Variants in C17orf99 observed in about 807,000 individuals in gnomAD.
C17orf99 encodes the protein protein IL-40.
C17orf99 carries 18 observed loss-of-function variants against 22.6 expected under a neutral mutation model. The observed-to-expected ratio is 0.80, with a 90% confidence interval of 0.55 to 1.18. The LOEUF is 1.18. Among genes scored for constraint, C17orf99 ranks in the 50% most tolerant of loss-of-function variants. The pLI is 0.00. For missense variants in C17orf99, 328 were observed against 342.7 expected, an observed-to-expected ratio of 0.96 and a Z score of 0.34; for synonymous variants, 147 against 136.6, an observed-to-expected ratio of 1.08 and a Z score of -0.53.
At chr17:78,157,903 T>C in intron 2 of C17orf99, 1 of 1,161,092 alleles carries the variant, frequency 8.6e-7, no homozygotes, top group Non-Finnish European at 1.3e-6. Context: ...AGCACGGCCA[T>C]GCCAAGGTCC....
At chr17:78,160,547 A>G (rs112703351) in intron 2 of C17orf99, among the ~76,000 whole-genome samples, 25 of 143,540 alleles carry the variant, frequency 1.7e-4, no homozygotes, top group East Asian at 8.7e-4. Flanking sequence ...AAAAAAAAAA[A>G]AGAGAGAGAG....
At chr17:78,164,800 C>A (rs2292235) in intron 4 of C17orf99, 580,445 of 1,246,348 alleles carry the variant, frequency 0.47, 138,709 homozygotes, top group East Asian at 0.67. Flanking sequence ...CGGCCATCAC[C>A]GCTTACGCAT....
chr17:78,164,217 G>C lies in C17orf99; in HGVS notation c.493G>C (p.Asp165His), dbSNP rs1449671583. The change falls in exon 4 of 5, where the codon GAT becomes CAT. Residue 165 changes from aspartate (D) to histidine (H), a missense_variant. Physicochemically the swap from Asp to His is moderately conservative, Grantham distance 81 (BLOSUM62 -1). Transcript: ENST00000340363. ...TATCACCAACAGCCTGATCGGGAAGGATGGGCAGGTCCACCTGCAGCAGAG... is the reference window on the plus strand; with the variant it reads ...TATCACCAACAGCCTGATCGGGAAGCATGGGCAGGTCCACCTGCAGCAGAG... ...PPITNSLIGK[D>H]GQVHLQQRPC... The C allele has an allele frequency of 1.3e-6, 2 of 1,551,630 alleles. No individual in the cohort carries two copies. Among genetic ancestry groups the C allele is most frequent in the Non-Finnish European group, 1.7e-6 (2 of 1,147,020 alleles).
chr17:78,154,949 G>T (rs2075513856), intron 2 of C17orf99, among the ~76,000 whole-genome samples: 1 of 152,020 alleles, frequency 6.6e-6, no homozygotes, highest in Non-Finnish European at 1.5e-5. Flanking sequence ...CCCTGGGCAG[G>T]GGAAGACATC....
intron 2 of C17orf99, chr17:78,160,670 G>A (rs2075567275): frequency 1.3e-5 from 5 of 372,530 alleles, no homozygotes; most frequent in African/African-American, 2.1e-5. Context: ...TGCCACCTCC[G>A]CCTTCCTGGT....
intron 2 of C17orf99, among the ~76,000 whole-genome samples, chr17:78,151,517 G>A (rs1252932573): frequency 6.6e-6 from 1 of 151,356 alleles, no homozygotes; most frequent in Non-Finnish European, 1.5e-5. Context: ...AGTGCTGGAA[G>A]CTGCATTCCA....
At chr17:78,165,122 T>A in intron 4 of C17orf99, 1 of 1,038,574 alleles carries the variant, frequency 9.6e-7, no homozygotes, top group Non-Finnish European at 1.2e-6. Flanking sequence ...ATGGCTTTAC[T>A]AACATGTAAA....
intron 2 of C17orf99, chr17:78,160,708 C>T (rs1269934649): frequency 3.0e-5 from 15 of 506,430 alleles, no homozygotes; most frequent in Admixed American, 2.8e-4. Context: ...CTTAGCTTCC[C>T]GAGTAGCAGG....
At chr17:78,160,602 A>G (rs2075566450) in intron 2 of C17orf99, among the ~76,000 whole-genome samples, 1 of 149,416 alleles carries the variant, frequency 6.7e-6, no homozygotes, top group African/African-American at 2.5e-5. Context: ...TTTTTTCCTG[A>G]GTCTCCCTCT....
At chr17:78,157,951 T>A in intron 2 of C17orf99, 1 of 1,175,172 alleles carries the variant, frequency 8.5e-7, no homozygotes, top group Non-Finnish European at 1.3e-6. Context: ...GGAAGAAATA[T>A]GGAGATATCT....
At chr17:78,147,748 A>ATGAGG (rs1332187656) in intron 2 of C17orf99, among the ~76,000 whole-genome samples, 5 of 152,186 alleles carry the variant, frequency 3.3e-5, no homozygotes, top group Non-Finnish European at 7.3e-5. Flanking sequence ...TCTCACTTGA[A>ATGAGG]TGAGGCCCAG....
At chr17:78,160,299 A>T (rs1400064981) in intron 2 of C17orf99, among the ~76,000 whole-genome samples, 1 of 152,098 alleles carries the variant, frequency 6.6e-6, no homozygotes, top group African/African-American at 2.4e-5. Flanking sequence ...GCACTTTGGG[A>T]GGCCAAGGCG....
chr17:78,160,055 C>T (rs949782529), intron 2 of C17orf99: 4 of 456,036 alleles, frequency 8.8e-6, no homozygotes, highest in Admixed American at 4.7e-5. Context: ...GTTTGAGTCC[C>T]TGTTTTCTAT....
intron 2 of C17orf99, among the ~76,000 whole-genome samples, chr17:78,150,715 G>C (rs575594314): frequency 6.6e-6 from 1 of 152,316 alleles, no homozygotes; most frequent in South Asian, 2.1e-4. Flanking sequence ...TGAAGGGGTA[G>C]ACAGGGCTCT....
chr17:78,152,335 ATT>A (rs370243424), intron 2 of C17orf99, among the ~76,000 whole-genome samples: 35 of 118,256 alleles, frequency 3.0e-4, no homozygotes, highest in Non-Finnish European at 3.2e-4. Context: ...TGCCTGCTTA[ATT>A]TTTTTTTTTT....
chr17:78,164,240 G>A lies in C17orf99; in HGVS notation c.516G>A (p.Gln172=). The change falls in exon 4 of 5, where the codon CAG becomes CAA. Residue 172 remains glutamine, a synonymous_variant. Transcript: ENST00000340363. Reference sequence around the variant, plus strand: ...AGGATGGGCAGGTCCACCTGCAGCAGAGACCATGCCACAGGCAGCCTGCCA... The same window carrying A: ...AGGATGGGCAGGTCCACCTGCAGCAAAGACCATGCCACAGGCAGCCTGCCA... ...IGKDGQVHLQ[Q]RPCHRQPANF... is the part of the protein sequence containing the mutation. 3 of 1,551,584 alleles carry A rather than the reference G, an allele frequency of 1.9e-6. No individual in the cohort carries two copies. Among genetic ancestry groups the A allele is most frequent in the Non-Finnish European group, 2.6e-6 (3 of 1,147,022 alleles).
At chr17:78,165,191 G>A (rs73375796) in intron 4 of C17orf99, 8 of 992,086 alleles carry the variant, frequency 8.1e-6, no homozygotes, top group South Asian at 4.6e-5. Flanking sequence ...TGCTCTGCCT[G>A]TCTGGCTTTG....
At chr17:78,149,263 C>T (rs758826895) in intron 2 of C17orf99, among the ~76,000 whole-genome samples, 8 of 133,574 alleles carry the variant, frequency 6.0e-5, no homozygotes, top group East Asian at 2.4e-4. Flanking sequence ...ACCCGGCAGG[C>T]GGAGGTTGCA....
intron 2 of C17orf99, among the ~76,000 whole-genome samples, chr17:78,147,734 C>A (rs551654332): frequency 1.4e-4 from 22 of 152,298 alleles, no homozygotes; most frequent in African/African-American, 5.3e-4. Flanking sequence ...AATGATGACG[C>A]CATTCTCACT....
Sources: allele counts gnomAD v4.1 joint callset (sites outside exome capture counted in the v4.1 genomes callset), GRCh38; gene constraint gnomAD v4.1.1; transcripts MANE v1.5; gene names NCBI Gene and HGNC (gene_info 2026-07-23, HGNC 2026-07-21).